SH3RF3: variants seen among roughly 807,000 people sequenced by gnomAD.
The protein encoded by SH3RF3 is SH3 domain containing ring finger 3, also known as E3 ubiquitin-protein ligase SH3RF3.
SH3RF3 carries 29 observed loss-of-function variants against 66.3 expected under a neutral mutation model. That is an observed-to-expected ratio of 0.44 (90% CI 0.33 to 0.60). The LOEUF (loss-of-function observed/expected upper bound fraction) is 0.60. Among genes scored for constraint, SH3RF3 ranks in the 20% least tolerant of loss-of-function variants. SH3RF3 has a pLI of 0.04. For synonymous variants in SH3RF3, 583 were observed against 532.0 expected, an observed-to-expected ratio of 1.10 and a Z score of -1.32; for missense variants, 1,194 against 1,190.9, an observed-to-expected ratio of 1.00 and a Z score of -0.04.
intron 9 of SH3RF3, among the ~76,000 whole-genome samples, chr2:109,499,199 G>A (rs1006250215): frequency 2.6e-5 from 4 of 152,186 alleles, no homozygotes; most frequent in East Asian, 3.9e-4. Context: ...ATCCAGAGCC[G>A]CGGGGGCCGT....
At chr2:109,457,425 A>G (rs534093696) in intron 8 of SH3RF3, among the ~76,000 whole-genome samples, 1 of 152,366 alleles carries the variant, frequency 6.6e-6, no homozygotes. Context: ...AAATAGTAAT[A>G]CACTTTAGAA....
intron 1 of SH3RF3, among the ~76,000 whole-genome samples, chr2:109,224,267 A>G (rs1452108631): frequency 6.6e-6 from 1 of 152,240 alleles, no homozygotes. Context: ...TACCAAGCAT[A>G]GTAAAATAAG....
At chr2:109,226,665 A>G (rs17035199) in intron 1 of SH3RF3, among the ~76,000 whole-genome samples, 6,545 of 152,170 alleles carry the variant, frequency 0.043, 457 homozygotes, top group African/African-American at 0.15. Context: ...TCCCGGGGCC[A>G]TGCATCTGCT....
chr2:109,445,025 G>A (rs935529850), intron 7 of SH3RF3, among the ~76,000 whole-genome samples: 4 of 152,106 alleles, frequency 2.6e-5, no homozygotes, highest in Non-Finnish European at 5.9e-5. Flanking sequence ...TTGAAATTTT[G>A]GAGAGGAAAA....
intron 3 of SH3RF3, among the ~76,000 whole-genome samples, chr2:109,390,237 C>A (rs561683493): frequency 6.6e-6 from 1 of 152,258 alleles, no homozygotes; most frequent in South Asian, 2.1e-4. Flanking sequence ...CACTTCTTTG[C>A]CCATAAACTA....
At chr2:109,469,151 G>A (rs965300811) in intron 8 of SH3RF3, among the ~76,000 whole-genome samples, 4 of 152,142 alleles carry the variant, frequency 2.6e-5, no homozygotes, top group Non-Finnish European at 5.9e-5. Flanking sequence ...CCAAGAATGC[G>A]GGCCCCCTGC....
At chr2:109,207,797 G>A (rs532806979) in intron 1 of SH3RF3, among the ~76,000 whole-genome samples, 4 of 152,208 alleles carry the variant, frequency 2.6e-5, no homozygotes, top group African/African-American at 9.6e-5. Context: ...ATTTTGATCA[G>A]TTTAAATGGC....
intron 8 of SH3RF3, among the ~76,000 whole-genome samples, chr2:109,486,339 TAC>T (rs1325394120): frequency 6.6e-6 from 1 of 152,178 alleles, no homozygotes; most frequent in East Asian, 1.9e-4. Context: ...TTTCTTTGTA[TAC>T]AGAGTTGGAG....
intron 1 of SH3RF3, among the ~76,000 whole-genome samples, chr2:109,182,251 A>G (rs1678090422): frequency 6.6e-6 from 1 of 152,216 alleles, no homozygotes; most frequent in Non-Finnish European, 1.5e-5. Flanking sequence ...GGTGAGAGTC[A>G]TCCCATGGCA....
At chr2:109,341,184 C>T (rs1682546371) in intron 1 of SH3RF3, among the ~76,000 whole-genome samples, 2 of 152,120 alleles carry the variant, frequency 1.3e-5, no homozygotes, top group East Asian at 1.9e-4. Context: ...AGTTTGGACC[C>T]AACAAGCAGC....
intron 1 of SH3RF3, among the ~76,000 whole-genome samples, chr2:109,262,018 T>C (rs6542807): frequency 0.71 from 108,471 of 152,086 alleles, 38,846 homozygotes; most frequent in East Asian, 0.9. Flanking sequence ...TAAGAGTGGC[T>C]AGAGCAGGAG....
chr2:109,188,066 A>G (rs116299010), intron 1 of SH3RF3, among the ~76,000 whole-genome samples: 4,452 of 152,302 alleles, frequency 0.029, 99 homozygotes, highest in Non-Finnish European at 0.044. Flanking sequence ...CCGTGAGCGT[A>G]GTGAGTGGTC....
intron 1 of SH3RF3, among the ~76,000 whole-genome samples, chr2:109,221,657 G>A (rs1039281136): frequency 1.3e-5 from 2 of 151,668 alleles, no homozygotes; most frequent in Non-Finnish European, 2.9e-5. Flanking sequence ...AAACCTGTTG[G>A]CCATTTCTGT....
intron 3 of SH3RF3, among the ~76,000 whole-genome samples, chr2:109,395,018 C>T (rs1676103377): frequency 6.6e-6 from 1 of 152,242 alleles, no homozygotes; most frequent in South Asian, 2.1e-4. Flanking sequence ...TGGGATGGCA[C>T]CGGTGCCAAA....
chr2:109,293,180 A>G lies in SH3RF3; in HGVS notation c.574-54494A>G, dbSNP rs560550532. On this transcript the variant is annotated intron_variant, in intron 1 of 9. Coordinates refer to ENST00000309415, the MANE Select transcript of SH3RF3 (RefSeq NM_001099289.3). The stretch of plus-strand genomic sequence containing the variant: ...CCGCAGGCAGTGCCCTGGGCCTCCG[A>G]TGGTGCTGTGTGGGGCCCTGCAGAC... Among the ~76,000 whole-genome samples the G allele has an allele frequency of 9.8e-5, 15 of 152,348 alleles. No homozygotes were observed. In the East Asian group the frequency reaches 2.9e-3, roughly 29 times the overall value.
chr2:109,258,311 C>T (rs1558986426), intron 1 of SH3RF3, among the ~76,000 whole-genome samples: 1 of 152,206 alleles, frequency 6.6e-6, no homozygotes, highest in Admixed American at 6.5e-5. Flanking sequence ...GACAGCCAGT[C>T]AGGAGGTCTT....
At chr2:109,197,827 A>G (rs1421731996) in intron 1 of SH3RF3, among the ~76,000 whole-genome samples, 1 of 152,214 alleles carries the variant, frequency 6.6e-6, no homozygotes, top group African/African-American at 2.4e-5. Context: ...TGGGTTGGGG[A>G]GGAACTCCAG....
chr2:109,414,077 CCTT>C (rs1676663710), intron 4 of SH3RF3, among the ~76,000 whole-genome samples: 1 of 152,202 alleles, frequency 6.6e-6, no homozygotes, highest in African/African-American at 2.4e-5. Flanking sequence ...CTATGGGTCT[CCTT>C]CTGTTTATTG....
intron 1 of SH3RF3, among the ~76,000 whole-genome samples, chr2:109,306,385 A>G: frequency 6.6e-6 from 1 of 152,194 alleles, no homozygotes; most frequent in Admixed American, 6.5e-5. Context: ...GAGTGCTTGG[A>G]GATTCCTCCT....
Sources: gnomAD v4.1 joint callset for allele counts (sites outside exome capture counted in the v4.1 genomes callset) on GRCh38, gnomAD v4.1.1 for gene constraint, MANE v1.5 for transcripts, NCBI Gene and HGNC (gene_info 2026-07-23, HGNC 2026-07-21) for gene names.